Variants in PLCB1 observed in about 807,000 individuals in gnomAD.
PLCB1 encodes the protein phospholipase C beta 1.
A neutral mutation model predicts 161.8 loss-of-function variants in PLCB1; 46 were observed. That is an observed-to-expected ratio of 0.28 (90% CI 0.22 to 0.36). The LOEUF (loss-of-function observed/expected upper bound fraction) is 0.36. Ranked by LOEUF, PLCB1 falls within the 10% of genes least tolerant of loss-of-function variation. The probability of loss-of-function intolerance (pLI) is 1.00; values close to 1 mark genes in which losing one functional copy is unlikely to be tolerated. For synonymous variants in PLCB1, 517 were observed against 503.7 expected (o/e 1.03, Z -0.35); for missense variants, 1,016 against 1,472.5 (o/e 0.69, Z 5.07).
At chr20:8,820,011 T>C (rs1294123593) in intron 31 of PLCB1, among the ~76,000 whole-genome samples, 1 of 149,260 alleles carries the variant, frequency 6.7e-6, no homozygotes, top group Non-Finnish European at 1.5e-5. Flanking sequence ...CTCCTATATA[T>C]ATTAAATCCT....
At chr20:8,381,344 A>G (rs1267006278) in intron 3 of PLCB1, among the ~76,000 whole-genome samples, 2 of 152,184 alleles carry the variant, frequency 1.3e-5, no homozygotes, top group Non-Finnish European at 2.9e-5. Flanking sequence ...TTTAGTTTGC[A>G]GTATTTTATC....
chr20:8,774,896 A>T lies in PLCB1; in HGVS notation c.3111+177A>T, dbSNP rs1357442881. ...TTGTTTTTATAAGCCCCACTGTCTT[A>T]ACATCTTTACCAAGCTTCTCTGTCT... On this transcript the variant is annotated intron_variant, in intron 27 of 31. Coordinates refer to ENST00000338037, the MANE Select transcript of PLCB1 (RefSeq NM_015192.4). Among the ~76,000 whole-genome samples, 8 of 152,196 alleles carry T rather than the reference A, an allele frequency of 5.3e-5. No homozygotes were observed. In the East Asian group the frequency reaches 1.3e-3, roughly 26 times the overall value.
chr20:8,880,135 A>C (rs1050042097), intron 31 of PLCB1, among the ~76,000 whole-genome samples: 1 of 152,196 alleles, frequency 6.6e-6, no homozygotes, highest in Non-Finnish European at 1.5e-5. Context: ...TCCATGTCTT[A>C]AAAATTGCCT....
At chr20:8,684,023 G>A (rs74183567) in intron 9 of PLCB1, among the ~76,000 whole-genome samples, 14,847 of 148,336 alleles carry the variant, frequency 0.1, 1,000 homozygotes, top group Non-Finnish European at 0.15. Flanking sequence ...AGCTGGGACT[G>A]CAGGCACCCG....
chr20:8,381,625 G>A (rs1788213650), intron 3 of PLCB1, among the ~76,000 whole-genome samples: 1 of 152,138 alleles, frequency 6.6e-6, no homozygotes, highest in African/African-American at 2.4e-5. Context: ...TTCAGAACTT[G>A]TTATTGGTCT....
At chr20:8,196,379 G>T (rs1165267634) in intron 2 of PLCB1, among the ~76,000 whole-genome samples, 3 of 152,148 alleles carry the variant, frequency 2.0e-5, no homozygotes, top group East Asian at 3.9e-4. Flanking sequence ...AATTGTAGCT[G>T]CATATTCTCC....
intron 2 of PLCB1, among the ~76,000 whole-genome samples, chr20:8,352,604 A>G (rs932902937): frequency 2.6e-5 from 4 of 152,126 alleles, no homozygotes; most frequent in African/African-American, 9.7e-5. Context: ...TAATATCTAT[A>G]TTATAAATAT....
chr20:8,474,475 G>A lies in PLCB1; in HGVS notation c.246+103025G>A, dbSNP rs547374945. Among the ~76,000 whole-genome samples, 7 of 152,240 alleles carry A rather than the reference G, an allele frequency of 4.6e-5. No individual in the cohort carries two copies. In the South Asian group the frequency reaches 6.2e-4, roughly 14 times the overall value. Reference sequence around the variant, plus strand: ...GCAGGGGCAAAGTCCTTGGATCGGAGTGTGCTTGGCAAGTTTAAAGATGAG... The same window carrying A: ...GCAGGGGCAAAGTCCTTGGATCGGAATGTGCTTGGCAAGTTTAAAGATGAG... On this transcript the variant is annotated intron_variant, in intron 3 of 31. Coordinates refer to ENST00000338037, the MANE Select transcript of PLCB1 (RefSeq NM_015192.4).
intron 26 of PLCB1, among the ~76,000 whole-genome samples, chr20:8,772,938 GAAAGA>G (rs1568593502): frequency 9.2e-5 from 14 of 151,976 alleles, no homozygotes; most frequent in Admixed American, 4.6e-4. Flanking sequence ...CTCAAAAAAA[GAAAGA>G]AAAGAAAAGA....
At chr20:8,829,549 T>A (rs1985882725) in intron 31 of PLCB1, among the ~76,000 whole-genome samples, 1 of 152,214 alleles carries the variant, frequency 6.6e-6, no homozygotes, top group Non-Finnish European at 1.5e-5. Context: ...GAGTGTTTTG[T>A]AGATGGATTT....
At chr20:8,571,458 G>C (rs965826503) in intron 3 of PLCB1, among the ~76,000 whole-genome samples, 1 of 152,060 alleles carries the variant, frequency 6.6e-6, no homozygotes, top group African/African-American at 2.4e-5. Flanking sequence ...TTCCAGCCGG[G>C]GTGACCAAGT....
At chr20:8,339,583 C>T (rs1025222063) in intron 2 of PLCB1, among the ~76,000 whole-genome samples, 1 of 152,228 alleles carries the variant, frequency 6.6e-6, no homozygotes, top group Non-Finnish European at 1.5e-5. Context: ...CCCACTTGCA[C>T]CTTGACCTCA....
chr20:8,376,318 C>T (rs532663210), intron 3 of PLCB1, among the ~76,000 whole-genome samples: 9 of 152,098 alleles, frequency 5.9e-5, no homozygotes, highest in African/African-American at 1.7e-4. Context: ...ATATCTAGGC[C>T]GCAATTAAAT....
intron 2 of PLCB1, among the ~76,000 whole-genome samples, chr20:8,307,120 T>A (rs537184053): frequency 5.9e-5 from 9 of 152,326 alleles, no homozygotes; most frequent in Non-Finnish European, 1.0e-4. Flanking sequence ...TTAAATAGAA[T>A]TAACAAAAGC....
At chr20:8,267,944 T>C (rs1600274928) in intron 2 of PLCB1, among the ~76,000 whole-genome samples, 1 of 147,874 alleles carries the variant, frequency 6.8e-6, no homozygotes, top group East Asian at 2.0e-4. Context: ...CAATCAGAGG[T>C]ACTTTCCATC....
chr20:8,691,933 C>CAAGAAA (rs1315331402), intron 10 of PLCB1, among the ~76,000 whole-genome samples: 2 of 151,972 alleles, frequency 1.3e-5, no homozygotes, highest in African/African-American at 4.8e-5. Context: ...CCCTATGACT[C>CAAGAAA]AAGAAAAAGA....
At chr20:8,161,783 CT>C (rs58456108) in intron 2 of PLCB1, among the ~76,000 whole-genome samples, 269 of 140,782 alleles carry the variant, frequency 1.9e-3, no homozygotes, top group East Asian at 2.3e-3. Flanking sequence ...GAACATTGGA[CT>C]TTTTTTTTTT....
chr20:8,829,064 C>T (rs542761594), intron 31 of PLCB1, among the ~76,000 whole-genome samples: 77 of 152,164 alleles, frequency 5.1e-4, no homozygotes, highest in South Asian at 2.5e-3. Context: ...TGAAATGCTA[C>T]GGGTGGAATC....
At chr20:8,194,134 G>A (rs2051999321) in intron 2 of PLCB1, among the ~76,000 whole-genome samples, 1 of 151,960 alleles carries the variant, frequency 6.6e-6, no homozygotes, top group South Asian at 2.1e-4. Context: ...CACTTATTTT[G>A]ATCTTTATGG....
Sources: gnomAD v4.1 joint callset for allele counts (sites outside exome capture counted in the v4.1 genomes callset) on GRCh38, gnomAD v4.1.1 for gene constraint, MANE v1.5 for transcripts, NCBI Gene and HGNC (gene_info 2026-07-23, HGNC 2026-07-21) for gene names.